Variants in DLGAP4 observed in about 807,000 individuals in gnomAD.
DLGAP4 encodes disks large-associated protein 4.
A neutral mutation model predicts 86.9 loss-of-function variants in DLGAP4; 18 were observed. That is an observed-to-expected ratio of 0.21 (90% CI 0.14 to 0.31). DLGAP4 has a LOEUF of 0.31. Among genes scored for constraint, DLGAP4 ranks in the 10% least tolerant of loss-of-function variants. DLGAP4 has a pLI of 1.00. For synonymous variants in DLGAP4, 548 were observed against 574.3 expected, an observed-to-expected ratio of 0.95 and a Z score of 0.65; for missense variants, 1,085 against 1,362.6, an observed-to-expected ratio of 0.80 and a Z score of 3.21.
chr20:36,407,733 A>G (rs1296946846), intron 2 of DLGAP4, among the ~76,000 whole-genome samples: 2 of 152,088 alleles, frequency 1.3e-5, no homozygotes, highest in Non-Finnish European at 2.9e-5. Flanking sequence ...CTGCAGACCC[A>G]GGGGAGGAGA....
intron 7 of DLGAP4, among the ~76,000 whole-genome samples, chr20:36,476,687 A>ATTTTTTTTTTTTTTTTTGTTTTTTTTTT: frequency 1.1e-5 from 1 of 91,538 alleles, no homozygotes. Context: ...CACTAGCCCA[A>ATTTTTTTTTTTTTTTTTGTTTTTTTTTT]TTTTTTTTTT....
At chr20:36,453,387 T>C (rs1337603713) in intron 7 of DLGAP4, among the ~76,000 whole-genome samples, 1 of 152,176 alleles carries the variant, frequency 6.6e-6, no homozygotes, top group Non-Finnish European at 1.5e-5. Flanking sequence ...CAGTGGCTCA[T>C]ACCTATAATC....
chr20:36,486,564 C>G (rs867017057), intron 7 of DLGAP4, among the ~76,000 whole-genome samples: 13 of 152,038 alleles, frequency 8.6e-5, no homozygotes, highest in Admixed American at 2.0e-4. Flanking sequence ...TGGGCCAGTT[C>G]CTATTGTAGG....
rs545405280 is a variant in DLGAP4, at chr20:36,329,310, C to A, written c.-304+22798C>A. On this transcript the variant is annotated intron_variant, in intron 1 of 12. Coordinates refer to ENST00000339266, the MANE Select transcript of DLGAP4 (RefSeq NM_001365621.2). ...GGAGCCAAACAGTCATGAGTTTGAA[C>A]CTGGATGTACCACAGGTCACCAGTT... Among the ~76,000 whole-genome samples, 5 of 152,180 alleles carry A rather than the reference C, an allele frequency of 3.3e-5. No individual in the cohort carries two copies. In the South Asian group the frequency reaches 8.3e-4, roughly 25 times the overall value.
intron 2 of DLGAP4, among the ~76,000 whole-genome samples, chr20:36,368,633 A>G (rs1231756280): frequency 1.3e-5 from 2 of 151,224 alleles, no homozygotes; most frequent in Non-Finnish European, 2.9e-5. Flanking sequence ...GGTGCAGGAC[A>G]GGTGATAAGG....
intron 7 of DLGAP4, among the ~76,000 whole-genome samples, chr20:36,459,796 G>A (rs1407265843): frequency 1.3e-5 from 2 of 152,084 alleles, no homozygotes; most frequent in East Asian, 1.9e-4. Context: ...TAGTAGAGAC[G>A]GGATTTCTCC....
chr20:36,504,195 C>T (rs2036265811), intron 10 of DLGAP4, among the ~76,000 whole-genome samples: 3 of 152,110 alleles, frequency 2.0e-5, no homozygotes, highest in Admixed American at 2.0e-4. Flanking sequence ...CATCTATTTC[C>T]AAAACTTTCA....
chr20:36,338,245 T>C (rs1416797971), intron 1 of DLGAP4, among the ~76,000 whole-genome samples: 1 of 152,070 alleles, frequency 6.6e-6, no homozygotes, highest in Non-Finnish European at 1.5e-5. Flanking sequence ...GGAGGGCCCA[T>C]CTGGAGGCTA....
At chr20:36,426,668 G>C (rs1002775750) in intron 2 of DLGAP4, among the ~76,000 whole-genome samples, 9 of 152,184 alleles carry the variant, frequency 5.9e-5, no homozygotes, top group Non-Finnish European at 1.0e-4. Context: ...AACATTGTGA[G>C]TGTCCATAAT....
chr20:36,461,187 G>C (rs1383904791), intron 7 of DLGAP4, among the ~76,000 whole-genome samples: 4 of 151,980 alleles, frequency 2.6e-5, no homozygotes, highest in African/African-American at 9.7e-5. Context: ...GAGGCGGTTC[G>C]AGGGGCGGCG....
chr20:36,306,979 G>A lies in DLGAP4; in HGVS notation c.-304+467G>A, dbSNP rs1475942810. On this transcript the variant is annotated intron_variant, in intron 1 of 12. Transcript: ENST00000339266. The surrounding 1 kb of genome is among the most constrained non-coding windows in gnomAD (Gnocchi z 4.9). ...CAACCTTGGCGCTTGGGAGAGCAGG[G>A]CTATGCCGGCCCGGGCATTCCTCCA... Among the ~76,000 whole-genome samples the A allele has an allele frequency of 2.0e-5, 3 of 152,122 alleles. No homozygotes were observed. Among genetic ancestry groups the A allele is most frequent in the African/African-American group, 7.2e-5 (3 of 41,448 alleles).
chr20:36,395,273 A>T (rs2031913139), intron 2 of DLGAP4, among the ~76,000 whole-genome samples: 1 of 152,098 alleles, frequency 6.6e-6, no homozygotes, highest in Non-Finnish European at 1.5e-5. Context: ...ATGACATTAT[A>T]TTATATATTC....
chr20:36,447,543 C>A (rs1310293643), intron 7 of DLGAP4, among the ~76,000 whole-genome samples: 1 of 152,148 alleles, frequency 6.6e-6, no homozygotes, highest in Admixed American at 6.5e-5. Flanking sequence ...TCTTCAGCCT[C>A]CCAAGTAGCT....
chr20:36,497,447 G>C, intron 8 of DLGAP4: 1 of 1,056,374 alleles, frequency 9.5e-7, no homozygotes, highest in Non-Finnish European at 1.1e-6. Flanking sequence ...CTAATCCAAG[G>C]TCAGCTCGGG....
intron 2 of DLGAP4, among the ~76,000 whole-genome samples, chr20:36,416,426 C>T: frequency 6.6e-6 from 1 of 152,186 alleles, no homozygotes; most frequent in Non-Finnish European, 1.5e-5. Context: ...CGGCCTAAAC[C>T]ATGACATTTT....
At chr20:36,351,057 C>G (rs2030134361) in intron 1 of DLGAP4, among the ~76,000 whole-genome samples, 1 of 152,274 alleles carries the variant, frequency 6.6e-6, no homozygotes, top group Non-Finnish European at 1.5e-5. Flanking sequence ...TCACCTCTCA[C>G]AACTTCCAGT....
At chr20:36,459,069 A>T (rs2147608142) in intron 7 of DLGAP4, among the ~76,000 whole-genome samples, 1 of 152,230 alleles carries the variant, frequency 6.6e-6, no homozygotes, top group South Asian at 2.1e-4. Context: ...CACCCCCCGG[A>T]TGGGGAGCCT....
At chr20:36,475,461 G>A (rs1413342161) in intron 7 of DLGAP4, among the ~76,000 whole-genome samples, 3 of 151,906 alleles carry the variant, frequency 2.0e-5, no homozygotes, top group African/African-American at 7.3e-5. Flanking sequence ...CGCCCGCCTC[G>A]GCCTCCCAAA....
chr20:36,501,833 C>G (rs1433009327), intron 10 of DLGAP4, among the ~76,000 whole-genome samples: 4 of 152,160 alleles, frequency 2.6e-5, no homozygotes, highest in Non-Finnish European at 5.9e-5. Context: ...GTCACACCCA[C>G]TAGTGCAGGG....
Sources: gnomAD v4.1 joint callset for allele counts (sites outside exome capture counted in the v4.1 genomes callset) on GRCh38, gnomAD v4.1.1 for gene constraint, Gnocchi (gnomAD v3.1) non-coding constraint, MANE v1.5 for transcripts, NCBI Gene and HGNC (gene_info 2026-07-23, HGNC 2026-07-21) for gene names.